The following ACSF2 variants were observed in gnomAD, a reference collection of about 807,000 sequenced individuals.
ACSF2 encodes medium-chain acyl-CoA ligase ACSF2, mitochondrial.
In ACSF2, 52 loss-of-function variants were observed where a neutral mutation model predicts 79.3. The ratio of observed to expected loss-of-function variants is 0.66; its 90% CI spans 0.53 to 0.83. The LOEUF is 0.83. Ranked by LOEUF, ACSF2 falls within the 40% of genes least tolerant of loss-of-function variation. The probability of loss-of-function intolerance (pLI) is 0.00; values close to 1 mark genes in which losing one functional copy is unlikely to be tolerated. For synonymous variants in ACSF2, 283 were observed against 312.6 expected, an observed-to-expected ratio of 0.91 and a Z score of 1.00; for missense variants, 661 against 803.3, an observed-to-expected ratio of 0.82 and a Z score of 2.14.
chr17:50,451,753 GATTTT>G (rs1308287846), intron 1 of ACSF2, among the ~76,000 whole-genome samples: 3 of 152,136 alleles, frequency 2.0e-5, no homozygotes, highest in African/African-American at 7.2e-5. Flanking sequence ...CCCAGCCCTT[GATTTT>G]ATTTTATTTT....
At position 50,473,915 on chromosome 17, in the gene ACSF2, C is replaced by T. The variant is rs372494573; in HGVS notation, c.1639C>T (p.Arg547Trp). The change falls in exon 14 of 16, where the codon CGG (arginine) becomes TGG (tryptophan). Residue 547 changes from arginine (R) to tryptophan (W), a missense_variant. Transcript: ENST00000300441. ...GAAGGTGGTGGGAGTGAAGGACGATCGGATGGGGGAAGAGATTTGTGCCTG... is the reference window on the plus strand; with the variant it reads ...GAAGGTGGTGGGAGTGAAGGACGATTGGATGGGGGAAGAGATTTGTGCCTG... ...EVQVVGVKDD[R>W]MGEEICACIR... 5.0e-5 allele frequency: 80 copies of T among 1,584,892 alleles called. No homozygotes were observed. The highest frequency in any genetic ancestry group is 6.3e-5 in the Non-Finnish European group (73 of 1,162,768).
intron 10 of ACSF2, chr17:50,468,161 A>G (rs1311534857): frequency 1.2e-6 from 2 of 1,614,048 alleles, no homozygotes; most frequent in Non-Finnish European, 1.7e-6. Flanking sequence ...CACCACCCGT[A>G]GCTTGCTCAG....
In ACSF2 at chr17:50,473,719, G is replaced by C. The variant is rs1420927184; in HGVS notation, c.1530G>C (p.Lys510Asn). Residue 510 changes from lysine (K) to asparagine (N), a missense_variant, in exon 13 of 16, where the codon AAG (lysine) becomes AAC (asparagine). Transcript: ENST00000300441. ...QGFCKIVGRS[K>N]DMIIRGGENI... ...TCTGCAAGATCGTGGGCCGCTCTAA[G>C]GATATGATCATCCGGGGTGGTGAGA... The C allele has an allele frequency of 1.9e-6, 3 of 1,614,116 alleles. No individual in the cohort carries two copies. The highest frequency in any genetic ancestry group is 2.5e-6 in the Non-Finnish European group (3 of 1,180,052).
chr17:50,427,028 T>G, intron 1 of ACSF2: 1 of 1,523,084 alleles, frequency 6.6e-7, no homozygotes, highest in Non-Finnish European at 8.8e-7. Context: ...GAGGACCCCG[T>G]GAGATGGCAA....
intron 1 of ACSF2, among the ~76,000 whole-genome samples, chr17:50,434,891 A>G (rs989406499): frequency 2.0e-5 from 3 of 151,274 alleles, no homozygotes; most frequent in Non-Finnish European, 4.4e-5. Context: ...TTATTTTGAG[A>G]CAGAGTTTCA....
intron 1 of ACSF2, chr17:50,426,831 C>A: frequency 6.9e-7 from 1 of 1,444,058 alleles, no homozygotes; most frequent in South Asian, 1.2e-5. Context: ...TCTCCTGTCT[C>A]CTCATCAGCT....
intron 1 of ACSF2, among the ~76,000 whole-genome samples, chr17:50,431,255 G>A (rs769439068): frequency 1.1e-4 from 17 of 152,204 alleles, no homozygotes; most frequent in Non-Finnish European, 2.2e-4. Context: ...TTGCTGCAGT[G>A]TACTGTGAAG....
At chr17:50,465,081 C>T (rs2032609717) in intron 10 of ACSF2, 1 of 597,892 alleles carries the variant, frequency 1.7e-6, no homozygotes, top group Admixed American at 3.0e-5. Flanking sequence ...TGTCAGTACT[C>T]CAACAACACA....
intron 10 of ACSF2, chr17:50,469,180 AT>A: frequency 3.4e-6 from 1 of 292,366 alleles, no homozygotes; most frequent in East Asian, 1.7e-4. Context: ...GGGAATAGTT[AT>A]GTCTGGAGCC....
chr17:50,441,454 C>T (rs2030910913), intron 1 of ACSF2, among the ~76,000 whole-genome samples: 1 of 152,210 alleles, frequency 6.6e-6, no homozygotes, highest in Non-Finnish European at 1.5e-5. Context: ...AGATTACAGG[C>T]GTGAGCCACC....
chr17:50,453,759 G>A (rs11651971), intron 1 of ACSF2, among the ~76,000 whole-genome samples: 36,595 of 151,732 alleles, frequency 0.24, 4,946 homozygotes, highest in Non-Finnish European at 0.31. Flanking sequence ...GTTGTTTTGG[G>A]TTTGTGTGTG....
rs891354848 is a variant in ACSF2 at position 50,426,905 on chromosome 17, T to C, written c.128+516T>C. The C allele has an allele frequency of 1.2e-5, 18 of 1,535,616 alleles. No homozygotes were observed. The Admixed American group carries it at 3.3e-4, about 28-fold the overall frequency. On this transcript the variant is annotated intron_variant, in intron 1 of 15. Coordinates refer to ENST00000300441, the MANE Select transcript of ACSF2 (RefSeq NM_025149.6). The stretch of plus-strand genomic sequence containing the variant: ...TGGGCCTATTTCCTTCTGTCCTCAG[T>C]GCAAGGGGTGGGATGGAAGCTGGCA...
chr17:50,470,870 G>A (rs916836360), intron 10 of ACSF2, 158 bp from the exon 11 acceptor site: 2 of 625,012 alleles, frequency 3.2e-6, no homozygotes, highest in Non-Finnish European at 5.8e-6. Flanking sequence ...TCTGCCTCCT[G>A]ACCCCAGGCC....
intron 1 of ACSF2, among the ~76,000 whole-genome samples, chr17:50,446,733 G>C (rs1452555066): frequency 6.6e-6 from 1 of 152,124 alleles, no homozygotes; most frequent in Non-Finnish European, 1.5e-5. Flanking sequence ...TGCCTATTTT[G>C]TACGTATAAA....
chr17:50,454,846 GA>G (rs2031894657), intron 1 of ACSF2, among the ~76,000 whole-genome samples: 1 of 152,018 alleles, frequency 6.6e-6, no homozygotes, highest in African/African-American at 2.4e-5. Flanking sequence ...AATTGAACTG[GA>G]TTTTTTTTTT....
chr17:50,471,015 C>G lies in ACSF2; in HGVS notation c.1216-13C>G. On this transcript the variant is annotated splice_polypyrimidine_tract_variant and intron_variant, in intron 10 of 15. Transcript: ENST00000300441. The surrounding 1 kb of genome is among the most constrained non-coding windows in gnomAD (Gnocchi z 4.1). ...GCTGAGCCCTCTTCAAACACCCTTT[C>G]TGGACCCTCTAGGTTGCTTATGGAA... 6.2e-7 allele frequency: 1 copy of G among 1,609,746 alleles called. No homozygotes were observed. The highest frequency in any genetic ancestry group is 8.5e-7 in the Non-Finnish European group (1 of 1,176,054).
intron 10 of ACSF2, chr17:50,464,665 G>A: frequency 2.1e-6 from 1 of 468,612 alleles, no homozygotes; most frequent in Non-Finnish European, 4.2e-6. Context: ...GTGGGGCAAG[G>A]ATCTGATGAT....
intron 1 of ACSF2, among the ~76,000 whole-genome samples, chr17:50,439,640 T>A (rs2030736408): frequency 6.6e-6 from 1 of 152,206 alleles, no homozygotes; most frequent in Non-Finnish European, 1.5e-5. Context: ...CAAGTTTTGC[T>A]ATTTTCCCAC....
rs113020804 is a variant in ACSF2 at position 50,464,778 on chromosome 17, G to T, written c.1215+484G>T. On this transcript the variant is annotated intron_variant, in intron 10 of 15. Transcript: ENST00000300441. ...GTGGTTCTGATTGACTTGGGGGGGG[G>T]GTCTCAGCAACAGCTTCTCCAAGAG... 2.9e-3 allele frequency: 920 copies of T among 317,952 alleles called. 38 individuals carry two copies. The highest frequency in any genetic ancestry group is 8.6e-3 in the African/African-American group (356 of 41,396). The allele number at this position is 317,952 out of a possible 1,614,324, so 19.7% of individuals were successfully genotyped here.
Sources: gnomAD v4.1 joint callset for allele counts (sites outside exome capture counted in the v4.1 genomes callset) on GRCh38, gnomAD v4.1.1 for gene constraint, Gnocchi (gnomAD v3.1) non-coding constraint, MANE v1.5 for transcripts, NCBI Gene and HGNC (gene_info 2026-07-23, HGNC 2026-07-21) for gene names.